The following RALGAPA2 variants were observed in gnomAD, a reference collection of about 807,000 sequenced individuals.
The protein encoded by RALGAPA2 is ral GTPase-activating protein subunit alpha-2.
Under a neutral mutation model 230.4 loss-of-function variants are expected in RALGAPA2, and 139 were observed. The observed-to-expected ratio is 0.60, with a 90% CI of 0.53 to 0.69. RALGAPA2 has a LOEUF of 0.69. Ranked by LOEUF, RALGAPA2 falls within the 30% of genes least tolerant of loss-of-function variation. RALGAPA2 has a pLI of 0.00. For missense variants in RALGAPA2, 2,163 were observed against 2,276.0 expected, an observed-to-expected ratio of 0.95 and a Z score of 1.01; for synonymous variants, 847 against 837.8, an observed-to-expected ratio of 1.01 and a Z score of -0.19.
chr20:20,511,930 C>T (rs1327840054), intron 32 of RALGAPA2, among the ~76,000 whole-genome samples: 5 of 152,202 alleles, frequency 3.3e-5, no homozygotes, highest in East Asian at 1.9e-4. Flanking sequence ...GTTGCTCACG[C>T]CTGTAATCCC....
chr20:20,465,825 G>A (rs1360820419), intron 37 of RALGAPA2, among the ~76,000 whole-genome samples: 1 of 152,186 alleles, frequency 6.6e-6, no homozygotes, highest in African/African-American at 2.4e-5. Flanking sequence ...TGAATGAACA[G>A]CATTCTACCA....
intron 23 of RALGAPA2, among the ~76,000 whole-genome samples, chr20:20,550,041 T>A (rs913939089): frequency 6.6e-6 from 1 of 152,156 alleles, no homozygotes; most frequent in Non-Finnish European, 1.5e-5. Context: ...TTTGGTCAGA[T>A]GAGTAAGTTC....
At chr20:20,598,881 T>C in intron 16 of RALGAPA2, 1 of 391,562 alleles carries the variant, frequency 2.6e-6, no homozygotes, top group Admixed American at 3.4e-5. Context: ...CACTTTATTA[T>C]TATTACTTTT....
chr20:20,626,577 A>G (rs2066495593), intron 10 of RALGAPA2, among the ~76,000 whole-genome samples: 1 of 152,262 alleles, frequency 6.6e-6, no homozygotes, highest in Non-Finnish European at 1.5e-5. Flanking sequence ...TGCCAATAAC[A>G]GATACAGTCA....
chr20:20,570,355 G>C (rs2064587510), intron 23 of RALGAPA2, among the ~76,000 whole-genome samples: 1 of 152,098 alleles, frequency 6.6e-6, no homozygotes, highest in Admixed American at 6.5e-5. Flanking sequence ...TTGCTTATCA[G>C]GAGAATAACT....
rs530700708 is a variant in RALGAPA2 at position 20,542,518 on chromosome 20, G to T, written c.3285+4186C>A. ...TACCTGACTTCAAACTCTACTACAAGGATATAGTAACCAAAACAGCATGGT... is the reference window on the plus strand; with the variant it reads ...TACCTGACTTCAAACTCTACTACAATGATATAGTAACCAAAACAGCATGGT... On this transcript the variant is annotated intron_variant, in intron 24 of 39. Coordinates refer to ENST00000202677, the MANE Select transcript of RALGAPA2 (RefSeq NM_020343.4). Among the ~76,000 whole-genome samples, 10 of 152,186 alleles carry T rather than the reference G, an allele frequency of 6.6e-5. No homozygotes were observed. The South Asian group carries it at 1.9e-3, about 28-fold the overall frequency.
chr20:20,695,639 T>C (rs976691871), intron 1 of RALGAPA2, among the ~76,000 whole-genome samples: 9 of 152,208 alleles, frequency 5.9e-5, no homozygotes, highest in Admixed American at 2.0e-4. Context: ...ATACAAATGA[T>C]TGTCCTCCTG....
intron 37 of RALGAPA2, among the ~76,000 whole-genome samples, chr20:20,426,720 C>A (rs1387130094): frequency 6.6e-6 from 1 of 152,202 alleles, no homozygotes; most frequent in Admixed American, 6.5e-5. Flanking sequence ...GAATGCACCT[C>A]AAAGGAAAAA....
At chr20:20,699,133 GT>G (rs2069240816) in intron 1 of RALGAPA2, among the ~76,000 whole-genome samples, 1 of 128,634 alleles carries the variant, frequency 7.8e-6, no homozygotes, top group Admixed American at 7.5e-5. Context: ...TTAATTACAC[GT>G]TTTTTATGTA....
At chr20:20,442,655 T>A (rs941445613) in intron 37 of RALGAPA2, among the ~76,000 whole-genome samples, 14 of 152,266 alleles carry the variant, frequency 9.2e-5, no homozygotes, top group African/African-American at 2.9e-4. Flanking sequence ...GGTATTACAA[T>A]GTACGGTTCC....
chr20:20,507,886 T>A (rs2062580860), intron 33 of RALGAPA2, among the ~76,000 whole-genome samples: 1 of 152,170 alleles, frequency 6.6e-6, no homozygotes, highest in East Asian at 1.9e-4. Context: ...AGTGGAGAAG[T>A]ATAGTTATTC....
Position 20,437,151 on chromosome 20 carries a change from T to C in RALGAPA2, c.5496-25003A>G, listed in dbSNP as rs548267518. ...AATGTTAGCTCAATAAATGTTGGCA[T>C]TATTAATTCAAACAGAAGTTCACCT... On this transcript the variant is annotated intron_variant, in intron 37 of 39. Transcript: ENST00000202677. The surrounding 1 kb of genome is among the most constrained non-coding windows in gnomAD (Gnocchi z 4.1). Among the ~76,000 whole-genome samples the C allele has an allele frequency of 2.0e-5, 3 of 152,290 alleles. No individual in the cohort carries two copies. In the South Asian group the frequency reaches 6.2e-4, roughly 32 times the overall value.
chr20:20,515,226 G>C (rs6082026), intron 31 of RALGAPA2, among the ~76,000 whole-genome samples: 4,961 of 152,282 alleles, frequency 0.033, 101 homozygotes, highest in South Asian at 0.061. Flanking sequence ...CCATCTACTG[G>C]CTTGTAGGTC....
At chr20:20,544,459 G>A (rs2063729209) in intron 24 of RALGAPA2, among the ~76,000 whole-genome samples, 3 of 152,074 alleles carry the variant, frequency 2.0e-5, no homozygotes, top group Admixed American at 6.5e-5. Context: ...ACAGGGTGGC[G>A]ATTCCTCAAG....
Position 20,629,487 on chromosome 20 carries a change from C to A in RALGAPA2, c.1109G>T (p.Arg370Leu), listed in dbSNP as rs776538646. 118 of 1,613,816 alleles carry A rather than the reference C, an allele frequency of 7.3e-5. No homozygotes were observed. The highest frequency in any genetic ancestry group is 9.5e-5 in the Non-Finnish European group (112 of 1,179,882). Residue 370 changes from arginine (R) to leucine (L), a missense_variant, in exon 10 of 40, where the codon CGA (arginine) becomes CTA (leucine). Coordinates refer to ENST00000202677, the MANE Select transcript of RALGAPA2 (RefSeq NM_020343.4). Reference sequence around the variant, plus strand: ...ACAGAGGCTGGAGTTGCTGAGTCTTCGGTCCGACAAGGTGCTGCTGTTAGA... The same window carrying A: ...ACAGAGGCTGGAGTTGCTGAGTCTTAGGTCCGACAAGGTGCTGCTGTTAGA... ...SHSNSSTLSD[R>L]RLSNSSLCSI... is the part of the protein sequence containing the mutation.
chr20:20,452,799 A>AT (rs1602408870), intron 37 of RALGAPA2, among the ~76,000 whole-genome samples: 1 of 152,258 alleles, frequency 6.6e-6, no homozygotes, highest in Non-Finnish European at 1.5e-5. Flanking sequence ...ATCACAAGTT[A>AT]TAAATCCGAC....
intron 36 of RALGAPA2, among the ~76,000 whole-genome samples, chr20:20,491,937 C>T (rs933279160): frequency 2.6e-5 from 4 of 152,106 alleles, no homozygotes; most frequent in African/African-American, 4.8e-5. Context: ...ACCCACACTT[C>T]TTCAACATAC....
chr20:20,581,267 T>G (rs956264131), intron 20 of RALGAPA2, among the ~76,000 whole-genome samples: 2 of 152,216 alleles, frequency 1.3e-5, no homozygotes, highest in Non-Finnish European at 2.9e-5. Context: ...AGTAATCACC[T>G]AATTTTCTTC....
At chr20:20,537,553 G>A (rs2063528774) in intron 24 of RALGAPA2, among the ~76,000 whole-genome samples, 1 of 149,572 alleles carries the variant, frequency 6.7e-6, no homozygotes, top group Admixed American at 6.7e-5. Flanking sequence ...CCAGGAGATG[G>A]AGGTTGCAGG....
Sources: gnomAD v4.1 joint callset for allele counts (sites outside exome capture counted in the v4.1 genomes callset) on GRCh38, gnomAD v4.1.1 for gene constraint, Gnocchi (gnomAD v3.1) non-coding constraint, MANE v1.5 for transcripts, NCBI Gene and HGNC (gene_info 2026-07-23, HGNC 2026-07-21) for gene names.